CYSRT1: variants seen among roughly 807,000 people sequenced by gnomAD.
The protein encoded by CYSRT1 is cysteine-rich tail protein 1.
CYSRT1 carries 7 observed loss-of-function variants against 6.2 expected under a neutral mutation model. The ratio of observed to expected loss-of-function variants is 1.13; its 90% CI spans 0.64 to 2.13. The LOEUF is 2.13. Ranked by LOEUF, CYSRT1 falls within the 30% of genes most tolerant of loss-of-function variation. CYSRT1 has a pLI of 0.00. For missense variants in CYSRT1, 188 were observed against 196.4 expected (o/e 0.96, Z 0.26); for synonymous variants, 75 against 83.1 (o/e 0.90, Z 0.53).
At position 137,225,765 on chromosome 9, in the gene CYSRT1, GCC is replaced by G. The variant is rs1038295886; in HGVS notation, c.146_147del (p.Pro49LeufsTer23). 1.7e-5 allele frequency: 27 copies of G among 1,549,882 alleles called. No homozygotes were observed. In the African/African-American group the frequency reaches 3.7e-4, roughly 21 times the overall value. On this transcript the variant is annotated frameshift_variant, in exon 2 of 2. Coordinates refer to ENST00000650725, the MANE Select transcript of CYSRT1 (RefSeq NM_199001.5). LOFTEE classifies it low-confidence loss of function (END_TRUNC). ...SSEMQPLPVG[P>X]CAPEPTHLLQ... ...CGGAGATGCAGCCCCTGCCAGTGGG[GCC>G]CTGTGCCCCAGAGCCAACCCACCTC...
intron 1 of CYSRT1, 84 bp downstream of exon 1, chr9:137,225,317 G>A (rs1835946209): frequency 1.0e-5 from 13 of 1,255,358 alleles, no homozygotes; most frequent in South Asian, 2.7e-5. Flanking sequence ...CAGCCTCCCC[G>A]ACCCCATTCC....
chr9:137,225,504 G>A, intron 1 of CYSRT1, 110 bp from the exon 2 acceptor site: 1 of 1,452,052 alleles, frequency 6.9e-7, no homozygotes, highest in Non-Finnish European at 9.1e-7. Flanking sequence ...GGGATGCTGA[G>A]CTTGGACGAG....
chr9:137,225,287 C>G (rs1219816360), intron 1 of CYSRT1, 54 bp downstream of exon 1: 2 of 1,395,858 alleles, frequency 1.4e-6, no homozygotes, highest in Non-Finnish European at 2.0e-6. Context: ...GCAGGGTCAG[C>G]CCCCTTCTCT....
Position 137,225,669 on chromosome 9 carries a change from C to A in CYSRT1, c.48C>A (p.Ser16Arg). The change falls in exon 2 of 2, where the codon AGC becomes AGA. Residue 16 changes from serine (S) to arginine (R), a missense_variant. Physicochemically the swap from Ser to Arg is moderately radical, Grantham distance 110. Transcript: ENST00000650725. ...MVVKNPYAHI[S>R]IPRAHLRPDL... ...TCAAGAACCCATATGCCCACATCAG[C>A]ATCCCCCGGGCTCACCTGCGGCCTG... is the stretch of plus-strand genomic sequence containing the variant. 1 of 1,550,500 alleles carries A rather than the reference C, an allele frequency of 6.4e-7. No homozygotes were observed. The highest frequency in any genetic ancestry group is 8.7e-7 in the Non-Finnish European group (1 of 1,146,978).
intron 1 of CYSRT1, 107 bp from the exon 2 acceptor site, chr9:137,225,507 T>A: frequency 6.9e-7 from 1 of 1,452,490 alleles, no homozygotes. Flanking sequence ...ATGCTGAGCT[T>A]GGACGAGGCA....
intron 1 of CYSRT1, 130 bp from the exon 2 acceptor site, chr9:137,225,484 T>C: frequency 6.9e-7 from 1 of 1,444,460 alleles, no homozygotes. Flanking sequence ...ACCCCGGCAC[T>C]GATGCCTTGG....
chr9:137,225,263 A>C (rs958773368), intron 1 of CYSRT1, 30 bp downstream of exon 1: 3 of 1,498,024 alleles, frequency 2.0e-6, no homozygotes, highest in Non-Finnish European at 2.7e-6. Flanking sequence ...GACTGCCCTG[A>C]ACTCAGGGGC....
chr9:137,225,280 G>C, intron 1 of CYSRT1, 47 bp downstream of exon 1: 1 of 1,432,394 alleles, frequency 7.0e-7, no homozygotes, highest in Non-Finnish European at 9.6e-7. Flanking sequence ...GGGCACTGCA[G>C]GGTCAGCCCC....
intron 1 of CYSRT1, 37 bp downstream of exon 1, chr9:137,225,270 G>A: frequency 6.8e-7 from 1 of 1,460,574 alleles, no homozygotes; most frequent in Non-Finnish European, 9.4e-7. Flanking sequence ...CTGAACTCAG[G>A]GGCACTGCAG....
intron 1 of CYSRT1, 76 bp downstream of exon 1, chr9:137,225,309 G>A: frequency 7.7e-7 from 1 of 1,302,022 alleles, no homozygotes; most frequent in Non-Finnish European, 1.1e-6. Context: ...CCATCTCTCA[G>A]CCTCCCCGAC....
chr9:137,226,185 C>T lies in CYSRT1; in HGVS notation c.*129C>T. 1 of 1,447,984 alleles carries T rather than the reference C, an allele frequency of 6.9e-7. No individual in the cohort carries two copies. The highest frequency in any genetic ancestry group is 9.2e-7 in the Non-Finnish European group (1 of 1,091,490). The allele number at this position is 1,447,984 out of a possible 1,614,324, so 89.7% of individuals were successfully genotyped here. ...TGCCCCTTCACACCAGGCACTGGGG[C>T]TCAGACCCACCAGGAAGGTGGCCGT... On this transcript the variant is annotated 3_prime_UTR_variant, in exon 2 of 2. Transcript: ENST00000650725.
rs1835971274 is a variant in CYSRT1 at position 137,226,152 on chromosome 9, T to C, written c.*96T>C. 5 of 1,485,336 alleles carry C rather than the reference T, an allele frequency of 3.4e-6. No individual in the cohort carries two copies. The highest frequency in any genetic ancestry group is 4.5e-6 in the Non-Finnish European group (5 of 1,107,360). The allele number at this position is 1,485,336 out of a possible 1,614,324, so 92.0% of individuals were successfully genotyped here. On this transcript the variant is annotated 3_prime_UTR_variant, in exon 2 of 2. Coordinates refer to ENST00000650725, the MANE Select transcript of CYSRT1 (RefSeq NM_199001.5). Reference sequence around the variant, plus strand: ...GGGACATGCGGGGTGGCTGTTGTCATGGGCGTCTGCCCCTTCACACCAGGC... The same window carrying C: ...GGGACATGCGGGGTGGCTGTTGTCACGGGCGTCTGCCCCTTCACACCAGGC...
intron 1 of CYSRT1, 103 bp from the exon 2 acceptor site, chr9:137,225,511 C>T (rs768050632): frequency 2.6e-5 from 38 of 1,453,108 alleles, no homozygotes; most frequent in South Asian, 5.8e-5. Flanking sequence ...TGAGCTTGGA[C>T]GAGGCACGCT....
At position 137,225,642 on chromosome 9, in the gene CYSRT1, C is replaced by T; in HGVS notation, c.21C>T (p.Val7=). The change falls in exon 2 of 2, where the codon GTC becomes GTT. Residue 7 remains valine (V), a synonymous_variant. Transcript: ENST00000650725. MDPQEM[V]VKNPYAHISI... is the part of the protein sequence containing the mutation. ...GGACCATGGACCCCCAAGAGATGGT[C>T]GTCAAGAACCCATATGCCCACATCA... The T allele has an allele frequency of 2.6e-6, 4 of 1,550,420 alleles. No homozygotes were observed. The highest frequency in any genetic ancestry group is 2.4e-5 in the East Asian group (1 of 40,928).
Position 137,226,007 on chromosome 9 carries a change from GCCC to G in CYSRT1, c.391_393del (p.Pro131del), listed in dbSNP as rs754449585. The stretch of plus-strand genomic sequence containing the variant: ...TGCCCCTGCTGCCACTGCTGCCACT[GCCC>G]CCCCTTCTGCCGCTGCCACAGCTGC... On this transcript the variant is annotated inframe_deletion, in exon 2 of 2. Transcript: ENST00000650725. 7.1e-6 allele frequency: 11 copies of G among 1,549,094 alleles called. No individual in the cohort carries two copies. The highest frequency in any genetic ancestry group is 9.6e-6 in the Non-Finnish European group (11 of 1,146,794).
rs745952298 is a variant in CYSRT1 at position 137,225,916 on chromosome 9, G to C, written c.295G>C (p.Gly99Arg). The C allele has an allele frequency of 6.5e-7, 1 of 1,546,276 alleles. No homozygotes were observed. The highest frequency in any genetic ancestry group is 8.7e-7 in the Non-Finnish European group (1 of 1,146,606). ...CTACAGCAGCAGTCAGCGCCAGGCC[G>C]GACTGACCTACGCTGGCCCTCCGCC... The part of the protein sequence containing the change: ...NPYSSSQRQA[G>R]LTYAGPPPAG... Residue 99 changes from glycine to arginine, a missense_variant, in exon 2 of 2, where the codon GGA (glycine) becomes CGA (arginine). Coordinates refer to ENST00000650725, the MANE Select transcript of CYSRT1 (RefSeq NM_199001.5).
In CYSRT1 at chr9:137,226,061, G is replaced by A. The variant is rs1182234276; in HGVS notation, c.*5G>A. On this transcript the variant is annotated 3_prime_UTR_variant, in exon 2 of 2. Transcript: ENST00000650725. ...TGCTGCTGTGTCATCTCCTAGCCCA[G>A]CCCACCCTGCCAGGGCCAGGACCCA... 1.3e-6 allele frequency: 2 copies of A among 1,544,650 alleles called. No individual in the cohort carries two copies. Among genetic ancestry groups the A allele is most frequent in the Admixed American group, 2.0e-5 (1 of 50,830 alleles).
rs907379917 is a variant in CYSRT1 at position 137,225,250 on chromosome 9, C to T, written c.-9+17C>T. 2.0e-5 allele frequency: 30 copies of T among 1,534,788 alleles called. No homozygotes were observed. The highest frequency in any genetic ancestry group is 6.9e-5 in the African/African-American group (5 of 72,714). ...CCACCACAGGTAAGCCCTTGGCCGC[C>T]GGGACTGCCCTGAACTCAGGGGCAC... On this transcript the variant is annotated intron_variant, in intron 1 of 1. Coordinates refer to ENST00000650725, the MANE Select transcript of CYSRT1 (RefSeq NM_199001.5).
chr9:137,225,517 A>G, intron 1 of CYSRT1, 97 bp from the exon 2 acceptor site: 2 of 1,457,150 alleles, frequency 1.4e-6, no homozygotes, highest in Non-Finnish European at 1.8e-6. Context: ...TGGACGAGGC[A>G]CGCTGCTCCT....
Sources: allele counts gnomAD v4.1 joint callset, GRCh38; gene constraint gnomAD v4.1.1; transcripts MANE v1.5; gene names NCBI Gene and HGNC (gene_info 2026-07-23, HGNC 2026-07-21).